The following TESK1 variants were observed in gnomAD, a reference collection of about 807,000 sequenced individuals.
The protein encoded by TESK1 is dual specificity testis-specific protein kinase 1.
A neutral mutation model predicts 59.9 loss-of-function variants in TESK1; 18 were observed. The ratio of observed to expected loss-of-function variants is 0.30; its 90% CI spans 0.21 to 0.45. The LOEUF (loss-of-function observed/expected upper bound fraction) is 0.45. Among genes scored for constraint, TESK1 ranks in the 20% least tolerant of loss-of-function variants. The pLI, the probability that TESK1 is intolerant of heterozygous loss-of-function variation, is 1.00. For missense variants in TESK1, 748 were observed against 840.9 expected, an observed-to-expected ratio of 0.89 and a Z score of 1.37; for synonymous variants, 341 against 357.4, an observed-to-expected ratio of 0.95 and a Z score of 0.52.
chr9:35,607,343 G>A lies in TESK1; in HGVS notation c.554G>A (p.Arg185Gln), dbSNP rs770801016. 93 of 1,614,026 alleles carry A rather than the reference G, an allele frequency of 5.8e-5. No individual in the cohort carries two copies. Among genetic ancestry groups the A allele is most frequent in the Admixed American group, 1.2e-4 (7 of 60,004 alleles). The change falls in exon 5 of 10, where the codon CGG becomes CAG. Residue 185 changes from arginine (R) to glutamine (Q), a missense_variant. Coordinates refer to ENST00000336395, the MANE Select transcript of TESK1 (RefSeq NM_006285.3). This position sits in a 1 kb window ranked among gnomAD's most constrained non-coding sequence, Gnocchi z 4.5. The part of the protein sequence containing the change: ...DLTSKNCLVR[R>Q]EDRGFTAVVG... The stretch of plus-strand genomic sequence containing the variant: ...GTGTGTCAGAACTGTCTAGTCCGAC[G>A]GGAAGATCGAGGCTTCACCGCTGTC...
rs1822919365 is a variant in TESK1, at chr9:35,609,181, A to G, written c.1320A>G (p.Ser440=). Residue 440 remains serine, a synonymous_variant, in exon 10 of 10, where the codon TCA becomes TCG. Coordinates refer to ENST00000336395, the MANE Select transcript of TESK1 (RefSeq NM_006285.3). The surrounding 1 kb of genome is among the most constrained non-coding windows in gnomAD (Gnocchi z 6.7). ...CCCGCCGCTGCCGCTCACTACCCTC[A>G]TCCCCCGAGCTCCCCCGCCGTATGG... is the stretch of plus-strand genomic sequence containing the variant. ...TPARRCRSLP[S]SPELPRRMET... is the part of the protein sequence containing the mutation. The G allele has an allele frequency of 6.2e-7, 1 of 1,613,038 alleles. No homozygotes were observed. The highest frequency in any genetic ancestry group is 1.1e-5 in the South Asian group (1 of 91,030).
At chr9:35,608,779 C>A in intron 9 of TESK1, 83 bp from the exon 10 acceptor site, 1 of 1,480,266 alleles carries the variant, frequency 6.8e-7, no homozygotes, top group Non-Finnish European at 9.1e-7. Context: ...TCTAGTCCCA[C>A]CAGCCTCCTG....
Position 35,607,479 on chromosome 9 carries a change from G to A in TESK1, c.620+70G>A. On this transcript the variant is annotated intron_variant, in intron 5 of 9. Transcript: ENST00000336395. This position sits in a 1 kb window ranked among gnomAD's most constrained non-coding sequence, Gnocchi z 4.5. ...CTATCTGATGTCCCCAGAGCCCCAG[G>A]GATGTTTCCCTTGGGGAACGGAGGG... The A allele has an allele frequency of 6.3e-7, 1 of 1,598,874 alleles. No individual in the cohort carries two copies. Among genetic ancestry groups the A allele is most frequent in the African/African-American group, 1.3e-5 (1 of 74,670 alleles).
chr9:35,608,240 C>A lies in TESK1; in HGVS notation c.876C>A (p.His292Gln). Residue 292 changes from histidine (H) to glutamine (Q), a missense_variant, in exon 8 of 10, where the codon CAC becomes CAA. By Grantham distance (24) the His-to-Gln change is conservative. Around this residue, in one of 3 missense-constraint regions of TESK1, gnomAD observed 447 missense variants for 466.1 expected, o/e 0.96. Transcript: ENST00000336395. The stretch of plus-strand genomic sequence containing the variant: ...TGCCTTTCTTGCTCCTGGCCATCCA[C>A]TGCTGCAACGTAAGAGCCTCACACT... ...CPLPFLLLAI[H>Q]CCNLEPSTRA... 6.2e-7 allele frequency: 1 copy of A among 1,614,170 alleles called. No homozygotes were observed. Among genetic ancestry groups the A allele is most frequent in the Non-Finnish European group, 8.5e-7 (1 of 1,180,024 alleles).
At chr9:35,606,357 G>C in intron 3 of TESK1, 72 bp downstream of exon 3, 1 of 1,579,432 alleles carries the variant, frequency 6.3e-7, no homozygotes, top group Non-Finnish European at 8.7e-7. Flanking sequence ...CAACAGGCCT[G>C]GTGGATCTAC....
chr9:35,606,105 G>C lies in TESK1; in HGVS notation c.341G>C (p.Arg114Thr), dbSNP rs1344531039. The C allele has an allele frequency of 6.8e-6, 11 of 1,614,096 alleles. No homozygotes were observed. Among genetic ancestry groups the C allele is most frequent in the East Asian group, 2.2e-5 (1 of 44,866 alleles). The change falls in exon 2 of 10, where the codon AGG becomes ACG. Residue 114 changes from arginine (R) to threonine (T), a missense_variant and splice_region_variant. Arg to Thr is a moderately conservative substitution (Grantham distance 71). This residue lies in a region of TESK1 where 168 missense variants were observed against 257.4 expected (regional missense o/e 0.65). Transcript: ENST00000336395. ...MNRLRHPNILRFMGVCVHQGQ... is the reference protein window; with the variant it reads ...MNRLRHPNILTFMGVCVHQGQ... ...CGGCTCAGGCACCCCAACATCCTAAGGTGAGCGGCCCCAGTCTCTGGGCAG... is the reference window on the plus strand; with the variant it reads ...CGGCTCAGGCACCCCAACATCCTAACGTGAGCGGCCCCAGTCTCTGGGCAG...
chr9:35,608,226 C>G lies in TESK1; in HGVS notation c.862C>G (p.Leu288Val). 1 of 1,614,198 alleles carries G rather than the reference C, an allele frequency of 6.2e-7. No homozygotes were observed. The highest frequency in any genetic ancestry group is 8.5e-7 in the Non-Finnish European group (1 of 1,180,024). Reference sequence around the variant, plus strand: ...GGATGACTGCCCACTGCCTTTCTTGCTCCTGGCCATCCACTGCTGCAACGT... The same window carrying G: ...GGATGACTGCCCACTGCCTTTCTTGGTCCTGGCCATCCACTGCTGCAACGT... The part of the protein sequence containing the change: ...VGDDCPLPFL[L>V]LAIHCCNLEP... Residue 288 changes from leucine to valine, a missense_variant, in exon 8 of 10, where the codon CTC becomes GTC. Physicochemically the swap from Leu to Val is conservative, Grantham distance 32 (BLOSUM62 1). Around this residue, in one of 3 missense-constraint regions of TESK1, gnomAD observed 447 missense variants for 466.1 expected, o/e 0.96. Transcript: ENST00000336395.
rs914890859 is a variant in TESK1 at position 35,608,321 on chromosome 9, C to T, written c.885+72C>T. Reference sequence around the variant, plus strand: ...AGCTGCCATGGCTGCCCTGTGGGACCCAGGTGATGGGAGGAAACTCAGAGA... The same window carrying T: ...AGCTGCCATGGCTGCCCTGTGGGACTCAGGTGATGGGAGGAAACTCAGAGA... On this transcript the variant is annotated intron_variant, in intron 8 of 9. Transcript: ENST00000336395. 10 of 1,608,690 alleles carry T rather than the reference C, an allele frequency of 6.2e-6. No homozygotes were observed. In the Admixed American group the frequency reaches 1.7e-4, roughly 27 times the overall value.
rs753426205 is a variant in TESK1 at position 35,607,440 on chromosome 9, C to T, written c.620+31C>T. 6.2e-7 allele frequency: 1 copy of T among 1,612,650 alleles called. No individual in the cohort carries two copies. The highest frequency in any genetic ancestry group is 1.1e-5 in the South Asian group (1 of 91,052). ...ATGAATGTCCCTGTTCCCCCCAAAT[C>T]TCCCAGAGTGCCCCTATCTGATGTC... On this transcript the variant is annotated intron_variant, in intron 5 of 9. Coordinates refer to ENST00000336395, the MANE Select transcript of TESK1 (RefSeq NM_006285.3). This position sits in a 1 kb window ranked among gnomAD's most constrained non-coding sequence, Gnocchi z 4.5.
intron 3 of TESK1, 102 bp from the exon 4 acceptor site, chr9:35,606,735 T>A: frequency 8.2e-7 from 1 of 1,226,122 alleles, no homozygotes. Context: ...CTTACCCCTA[T>A]GACCTCTGTG....
intron 9 of TESK1, 67 bp from the exon 10 acceptor site, chr9:35,608,795 T>G: frequency 2.7e-6 from 4 of 1,503,532 alleles, no homozygotes; most frequent in Non-Finnish European, 3.6e-6. Context: ...TCCTGGAGAA[T>G]AGTGAGGCCC....
At position 35,606,903 on chromosome 9, in the gene TESK1, C is replaced by T. The variant is rs767568290; in HGVS notation, c.457C>T (p.Leu153Phe). The T allele has an allele frequency of 1.2e-6, 2 of 1,613,878 alleles. No individual in the cohort carries two copies. The highest frequency in any genetic ancestry group is 8.5e-7 in the Non-Finnish European group (1 of 1,179,848). Residue 153 changes from leucine to phenylalanine, a missense_variant, in exon 4 of 10, where the codon CTC becomes TTC. Leu to Phe is a conservative substitution (Grantham distance 22). Around this residue, in one of 3 missense-constraint regions of TESK1, gnomAD observed 168 missense variants for 257.4 expected, o/e 0.65. Transcript: ENST00000336395. ...SPEPLSWPVRLHLALDIARGL... is the reference protein window; with the variant it reads ...SPEPLSWPVRFHLALDIARGL... The stretch of plus-strand genomic sequence containing the variant: ...TGAACCCCTGTCCTGGCCGGTCAGG[C>T]TCCACCTGGCCCTGGACATTGCCCG...
intron 3 of TESK1, among the ~76,000 whole-genome samples, chr9:35,606,562 CAT>C (rs1157587278): frequency 6.6e-6 from 1 of 152,214 alleles, no homozygotes; most frequent in Non-Finnish European, 1.5e-5. Context: ...CCACTAGCCA[CAT>C]GTGGTTAAAT....
Position 35,609,470 on chromosome 9 carries a change from G to C in TESK1, c.1609G>C (p.Ala537Pro). The change falls in exon 10 of 10, where the codon GCC (alanine) becomes CCC (proline). Residue 537 changes from alanine (A) to proline (P), a missense_variant. Physicochemically the swap from Ala to Pro is conservative, Grantham distance 27. This residue lies in a region of TESK1 where 447 missense variants were observed against 466.1 expected (regional missense o/e 0.96). Coordinates refer to ENST00000336395, the MANE Select transcript of TESK1 (RefSeq NM_006285.3). This position sits in a 1 kb window ranked among gnomAD's most constrained non-coding sequence, Gnocchi z 6.7. ...CTGGGCTGGGGAGCCCTGGAACCGGGCCCAGCATAGCCTGCCCCGGGCGGC... is the reference window on the plus strand; with the variant it reads ...CTGGGCTGGGGAGCCCTGGAACCGGCCCCAGCATAGCCTGCCCCGGGCGGC... ...QGWAGEPWNR[A>P]QHSLPRAAAL... 6.2e-7 allele frequency: 1 copy of C among 1,605,216 alleles called. No individual in the cohort carries two copies. The highest frequency in any genetic ancestry group is 8.5e-7 in the Non-Finnish European group (1 of 1,175,274).
rs571781197 is a variant in TESK1, at chr9:35,609,857, G to C, written c.*115G>C. The stretch of plus-strand genomic sequence containing the variant: ...GATGGGCTGACCGGCTCTTCTCCCC[G>C]TGTAGGGGAGCCCCAGCATGGACTC... On this transcript the variant is annotated 3_prime_UTR_variant, in exon 10 of 10. Coordinates refer to ENST00000336395, the MANE Select transcript of TESK1 (RefSeq NM_006285.3). This position sits in a 1 kb window ranked among gnomAD's most constrained non-coding sequence, Gnocchi z 6.7. 3.2e-6 allele frequency: 4 copies of C among 1,246,180 alleles called. No homozygotes were observed. Among genetic ancestry groups the C allele is most frequent in the Admixed American group, 2.9e-5 (1 of 34,392 alleles). The allele number at this position is 1,246,180 out of a possible 1,614,324, so 77.2% of individuals were successfully genotyped here.
At chr9:35,608,292 C>G in intron 8 of TESK1, 43 bp downstream of exon 8, 1 of 1,610,528 alleles carries the variant, frequency 6.2e-7, no homozygotes, top group South Asian at 1.1e-5. Flanking sequence ...TGCCCCCATC[C>G]GTAAGCTGCC....
At chr9:35,606,216 A>C (rs962340203) in intron 2 of TESK1, 21 bp from the exon 3 acceptor site, 2 of 1,614,038 alleles carry the variant, frequency 1.2e-6, no homozygotes, top group East Asian at 4.5e-5. Context: ...CTATCCTTCT[A>C]TCTTCCCCAT....
chr9:35,605,892 G>A (rs1276595008), intron 1 of TESK1, 54 bp downstream of exon 1: 1 of 1,606,424 alleles, frequency 6.2e-7, no homozygotes, highest in Non-Finnish European at 8.5e-7. Flanking sequence ...ACCAGAGGCT[G>A]AAACTAGGGG....
In TESK1 at chr9:35,605,523, C is replaced by T; in HGVS notation, c.-97C>T. 1 of 302,544 alleles carries T rather than the reference C, an allele frequency of 3.3e-6. No homozygotes were observed. The allele number at this position is 302,544 out of a possible 1,614,324, so 18.7% of individuals were successfully genotyped here. On this transcript the variant is annotated 5_prime_UTR_variant, in exon 1 of 10. Coordinates refer to ENST00000336395, the MANE Select transcript of TESK1 (RefSeq NM_006285.3). ...CAGGGCGGGAGCCGGAGTCCGGGCGCCCGGGATCGGGCTGGGCCCGCGCCC... is the reference window on the plus strand; with the variant it reads ...CAGGGCGGGAGCCGGAGTCCGGGCGTCCGGGATCGGGCTGGGCCCGCGCCC...
Sources: allele counts gnomAD v4.1 joint callset (sites outside exome capture counted in the v4.1 genomes callset), GRCh38; gene constraint gnomAD v4.1.1; regional missense constraint gnomAD v4.1.1; non-coding constraint Gnocchi (gnomAD v3.1); transcripts MANE v1.5; gene names NCBI Gene and HGNC (gene_info 2026-07-23, HGNC 2026-07-21).